Variants in DOCK8 observed in about 807,000 individuals in gnomAD.
DOCK8 encodes the protein dedicator of cytokinesis protein 8.
DOCK8 carries 141 observed loss-of-function variants against 245.6 expected under a neutral mutation model. That is an observed-to-expected ratio of 0.57 (90% confidence interval 0.50 to 0.66). The LOEUF is 0.66. Ranked by LOEUF, DOCK8 falls within the 30% of genes least tolerant of loss-of-function variation. The pLI, the probability that DOCK8 is intolerant of heterozygous loss-of-function variation, is 0.00. For missense variants in DOCK8, 2,965 were observed against 2,603.4 expected (o/e 1.14, Z -3.02); for synonymous variants, 1,168 against 970.2 (o/e 1.20, Z -3.79).
intron 25 of DOCK8, among the ~76,000 whole-genome samples, chr9:398,592 G>A (rs1346294900): frequency 1.1e-4 from 16 of 152,148 alleles, no homozygotes. Flanking sequence ...TGGGATTCAT[G>A]GAGGAATTTA....
At chr9:462,314 G>A (rs2057830291) in intron 46 of DOCK8, among the ~76,000 whole-genome samples, 1 of 152,166 alleles carries the variant, frequency 6.6e-6, no homozygotes, top group Non-Finnish European at 1.5e-5. Flanking sequence ...GTCAAGGAAT[G>A]TACATTTGTA....
intron 1 of DOCK8, among the ~76,000 whole-genome samples, chr9:221,757 A>C (rs973459746): frequency 3.3e-5 from 5 of 151,524 alleles, no homozygotes; most frequent in Non-Finnish European, 7.4e-5. Context: ...GGGAGGCGGA[A>C]GTTGCAGTGA....
intron 14 of DOCK8, among the ~76,000 whole-genome samples, chr9:361,981 C>G (rs1489246627): frequency 2.0e-5 from 3 of 152,166 alleles, no homozygotes; most frequent in African/African-American, 7.2e-5. Context: ...GTGCCACTTT[C>G]AAAGAGATAC....
intron 32 of DOCK8, 47 bp from the exon 33 acceptor site, chr9:422,001 G>A: frequency 1.3e-6 from 2 of 1,490,408 alleles, no homozygotes; most frequent in South Asian, 1.1e-5. Flanking sequence ...TTATCTTGGA[G>A]GGTTTCATGC....
chr9:294,051 A>C (rs1563886066), intron 4 of DOCK8, among the ~76,000 whole-genome samples: 2 of 152,230 alleles, frequency 1.3e-5, no homozygotes, highest in African/African-American at 4.8e-5. Context: ...TATATTTTTC[A>C]CATAAAGATA....
At chr9:333,036 T>C (rs531267580) in intron 10 of DOCK8, among the ~76,000 whole-genome samples, 2 of 152,148 alleles carry the variant, frequency 1.3e-5, no homozygotes, top group Non-Finnish European at 2.9e-5. Context: ...CATAACTTGA[T>C]TGGGGCAAGG....
upstream of DOCK8, among the ~76,000 whole-genome samples, chr9:211,281 G>T (rs565815136): frequency 6.6e-6 from 1 of 152,134 alleles, no homozygotes; most frequent in South Asian, 2.1e-4. Flanking sequence ...CCTGCTTTAG[G>T]GACAAGCTGG....
intron 5 of DOCK8, among the ~76,000 whole-genome samples, chr9:307,427 C>T (rs1045508368): frequency 2.2e-5 from 3 of 137,298 alleles, no homozygotes; most frequent in South Asian, 2.4e-4. Context: ...GGCATGATCT[C>T]GGCTCACTAC....
chr9:319,860 A>G (rs2050509502), intron 7 of DOCK8, among the ~76,000 whole-genome samples: 1 of 152,220 alleles, frequency 6.6e-6, no homozygotes, highest in African/African-American at 2.4e-5. Context: ...AAGATTTAAT[A>G]CCATCTTATG....
intron 28 of DOCK8, 65 bp from the exon 29 acceptor site, chr9:414,717 G>T (rs1586961984): frequency 1.9e-6 from 3 of 1,604,374 alleles, no homozygotes; most frequent in East Asian, 2.2e-5. Flanking sequence ...ACTCTTGACT[G>T]TTTAAGAGCT....
chr9:281,758 A>G lies in DOCK8; in HGVS notation c.157-4703A>G, dbSNP rs543658649. On this transcript the variant is annotated intron_variant, in intron 2 of 47. Coordinates refer to ENST00000432829, the MANE Select transcript of DOCK8 (RefSeq NM_203447.4). ...TTTTTAGTTCCTGGTTATTACTTGA[A>G]TTTGCAAGAGGAACAACTGCTAGGA... 8.1e-4 allele frequency among the ~76,000 whole-genome samples: 124 copies of G among 152,216 alleles called. 2 individuals carry two copies. Among genetic ancestry groups the G allele is most frequent in the African/African-American group, 2.7e-3 (111 of 41,518 alleles).
intron 8 of DOCK8, 75 bp downstream of exon 8, chr9:325,812 T>C (rs200223958): frequency 1.2e-5 from 14 of 1,208,948 alleles, no homozygotes; most frequent in Non-Finnish European, 1.6e-5. Context: ...GTTTTTAAAT[T>C]TCTTTGCAGC....
At chr9:267,165 C>T (rs543343259) in intron 1 of DOCK8, among the ~76,000 whole-genome samples, 30 of 152,294 alleles carry the variant, frequency 2.0e-4, no homozygotes, top group South Asian at 1.0e-3. Context: ...CCAAGTAGTA[C>T]GCTCTGTCTG....
In DOCK8 at chr9:404,080, A is replaced by T. The variant is rs1204469086; in HGVS notation, c.3235-838A>T. ...ATGTCTATCACAAGGATGATGCTTCATATTTCTGTGCTGGGGTGGGGGGTG... is the reference window on the plus strand; with the variant it reads ...ATGTCTATCACAAGGATGATGCTTCTTATTTCTGTGCTGGGGTGGGGGGTG... On this transcript the variant is annotated intron_variant, in intron 26 of 47. Coordinates refer to ENST00000432829, the MANE Select transcript of DOCK8 (RefSeq NM_203447.4). Among the ~76,000 whole-genome samples the T allele has an allele frequency of 3.3e-5, 5 of 150,488 alleles. No individual in the cohort carries two copies. In the East Asian group the frequency reaches 9.7e-4, roughly 29 times the overall value.
intron 10 of DOCK8, among the ~76,000 whole-genome samples, chr9:333,363 A>C (rs1195783942): frequency 6.6e-6 from 1 of 152,250 alleles, no homozygotes; most frequent in Non-Finnish European, 1.5e-5. Context: ...GCACTTTGGG[A>C]GGCCAAGGCG....
At chr9:346,462 A>C (rs1461636674) in intron 14 of DOCK8, among the ~76,000 whole-genome samples, 1 of 152,134 alleles carries the variant, frequency 6.6e-6, no homozygotes, top group Non-Finnish European at 1.5e-5. Flanking sequence ...TGAGCTGTTA[A>C]GCTCCCTGCC....
intron 1 of DOCK8, among the ~76,000 whole-genome samples, chr9:224,779 C>T (rs575730594): frequency 6.6e-5 from 10 of 152,276 alleles, no homozygotes; most frequent in African/African-American, 2.2e-4. Flanking sequence ...AGTCATCATA[C>T]GGCATTTATA....
chr9:463,001 G>T (rs867076982), intron 46 of DOCK8, among the ~76,000 whole-genome samples: 2 of 152,202 alleles, frequency 1.3e-5, no homozygotes, highest in Non-Finnish European at 2.9e-5. Context: ...GATAATGCAT[G>T]TAAAACTTCT....
At chr9:228,292 A>G (rs937115274) in intron 1 of DOCK8, among the ~76,000 whole-genome samples, 4 of 152,182 alleles carry the variant, frequency 2.6e-5, no homozygotes, top group Non-Finnish European at 5.9e-5. Context: ...AAGTTATTCA[A>G]GAGACCCTGT....
Sources: gnomAD v4.1 joint callset for allele counts (sites outside exome capture counted in the v4.1 genomes callset) on GRCh38, gnomAD v4.1.1 for gene constraint, MANE v1.5 for transcripts, NCBI Gene and HGNC (gene_info 2026-07-23, HGNC 2026-07-21) for gene names.